COL4A2: variants seen among roughly 807,000 people sequenced by gnomAD.
COL4A2 encodes the protein collagen alpha-2(IV) chain.
Under a neutral mutation model 200.2 loss-of-function variants are expected in COL4A2, and 99 were observed. The ratio of observed to expected loss-of-function variants is 0.49; its 90% CI spans 0.42 to 0.58. The LOEUF (loss-of-function observed/expected upper bound fraction) is 0.58. COL4A2 is among the 20% of genes least tolerant of loss of function. The probability of loss-of-function intolerance (pLI) is 0.00; values close to 1 mark genes in which losing one functional copy is unlikely to be tolerated. For synonymous variants in COL4A2, 897 were observed against 900.6 expected (o/e 1.00, Z 0.07); for missense variants, 1,950 against 2,314.1 (o/e 0.84, Z 3.23).
intron 3 of COL4A2, among the ~76,000 whole-genome samples, chr13:110,354,028 T>C (rs905335939): frequency 6.6e-6 from 1 of 152,232 alleles, no homozygotes; most frequent in Admixed American, 6.5e-5. Flanking sequence ...ATACAGTGAA[T>C]ATCGTAAACC....
chr13:110,387,536 A>G (rs1028488219), intron 4 of COL4A2, among the ~76,000 whole-genome samples: 1 of 152,246 alleles, frequency 6.6e-6, no homozygotes, highest in Non-Finnish European at 1.5e-5. Flanking sequence ...CGTCCCCTGC[A>G]GTCTCACACC....
intron 4 of COL4A2, among the ~76,000 whole-genome samples, chr13:110,382,836 T>C (rs1436953700): frequency 6.6e-6 from 1 of 152,244 alleles, no homozygotes; most frequent in Non-Finnish European, 1.5e-5. Context: ...ATTGAAAATA[T>C]ACACTTTGAA....
intron 4 of COL4A2, among the ~76,000 whole-genome samples, chr13:110,377,931 A>G (rs1878306830): frequency 6.6e-6 from 1 of 152,268 alleles, no homozygotes; most frequent in African/African-American, 2.4e-5. Context: ...TTCTCTTATT[A>G]GCAATCAAAA....
At chr13:110,422,134 A>G (rs1880273202) in intron 4 of COL4A2, among the ~76,000 whole-genome samples, 1 of 152,232 alleles carries the variant, frequency 6.6e-6, no homozygotes, top group African/African-American at 2.4e-5. Flanking sequence ...CCCAGAAGAC[A>G]GCCGGCAGAC....
At position 110,363,749 on chromosome 13, in the gene COL4A2, C is replaced by T. The variant is rs556757333; in HGVS notation, c.180+6197C>T. ...TATTGCCGTCATAAACCCTACCCTTCCATGTAGATAGCCAGGATTTTAAAA... is the reference window on the plus strand; with the variant it reads ...TATTGCCGTCATAAACCCTACCCTTTCATGTAGATAGCCAGGATTTTAAAA... On this transcript the variant is annotated intron_variant, in intron 4 of 47. Coordinates refer to ENST00000360467, the MANE Select transcript of COL4A2 (RefSeq NM_001846.4). Among the ~76,000 whole-genome samples the T allele has an allele frequency of 2.6e-5, 4 of 152,304 alleles. No individual in the cohort carries two copies. In the East Asian group the frequency reaches 7.7e-4, roughly 29 times the overall value.
At chr13:110,402,720 G>C (rs1879416370) in intron 4 of COL4A2, among the ~76,000 whole-genome samples, 1 of 152,198 alleles carries the variant, frequency 6.6e-6, no homozygotes, top group African/African-American at 2.4e-5. Flanking sequence ...ACGGAGTGAG[G>C]AGCCCCTCTC....
chr13:110,396,954 G>A (rs894193241), intron 4 of COL4A2, among the ~76,000 whole-genome samples: 4 of 152,312 alleles, frequency 2.6e-5, no homozygotes, highest in Admixed American at 1.3e-4. Context: ...TGAAGTCAGA[G>A]CACTGAATTC....
At chr13:110,491,445 G>A (rs1594106018) in intron 37 of COL4A2, 105 bp downstream of exon 37, 1 of 798,586 alleles carries the variant, frequency 1.3e-6, no homozygotes, top group Admixed American at 2.1e-5. Context: ...ACCCAACCCT[G>A]GAAGCTCACT....
At chr13:110,506,630 C>T (rs765728531) in intron 46 of COL4A2, 24 bp downstream of exon 46, 22 of 1,581,690 alleles carry the variant, frequency 1.4e-5, no homozygotes, top group East Asian at 4.5e-5. Flanking sequence ...ACCCGGCCCC[C>T]GTTGCCTGCT....
At chr13:110,320,502 A>G (rs920439983) in intron 3 of COL4A2, among the ~76,000 whole-genome samples, 5 of 152,208 alleles carry the variant, frequency 3.3e-5, no homozygotes, top group African/African-American at 1.2e-4. Flanking sequence ...TTTTAATCCA[A>G]GAATTCTTTA....
intron 3 of COL4A2, among the ~76,000 whole-genome samples, chr13:110,310,467 CAA>C (rs11306630): frequency 7.2e-5 from 11 of 151,862 alleles, no homozygotes; most frequent in Non-Finnish European, 1.0e-4. Flanking sequence ...CTAACTCAAC[CAA>C]AAAAAATAGA....
At chr13:110,406,842 T>C (rs1260314327) in intron 4 of COL4A2, among the ~76,000 whole-genome samples, 1 of 152,180 alleles carries the variant, frequency 6.6e-6, no homozygotes, top group Non-Finnish European at 1.5e-5. Flanking sequence ...CCTCATTCCT[T>C]TGGTGATTAC....
intron 8 of COL4A2, 199 bp downstream of exon 8, chr13:110,430,155 T>C: frequency 1.4e-6 from 1 of 691,646 alleles, no homozygotes; most frequent in South Asian, 3.5e-5. Flanking sequence ...TTTATCTCTT[T>C]CCCATATTCA....
intron 3 of COL4A2, among the ~76,000 whole-genome samples, chr13:110,336,628 T>A (rs549681701): frequency 6.6e-6 from 1 of 152,280 alleles, no homozygotes; most frequent in South Asian, 2.1e-4. Flanking sequence ...TCCCTTTTTA[T>A]CTGCATCAGG....
intron 6 of COL4A2, among the ~76,000 whole-genome samples, chr13:110,425,234 A>G (rs1594206940): frequency 6.6e-6 from 1 of 152,202 alleles, no homozygotes; most frequent in African/African-American, 2.4e-5. Flanking sequence ...GCTAAACTGC[A>G]CATTGTTTGG....
intron 4 of COL4A2, among the ~76,000 whole-genome samples, chr13:110,409,514 G>T (rs1879749595): frequency 1.3e-5 from 2 of 152,258 alleles, no homozygotes; most frequent in Non-Finnish European, 2.9e-5. Context: ...GAGCAGCACG[G>T]CTGCACTCAG....
At chr13:110,378,681 G>A (rs899995478) in intron 4 of COL4A2, among the ~76,000 whole-genome samples, 10 of 152,172 alleles carry the variant, frequency 6.6e-5, no homozygotes, top group South Asian at 4.1e-4. Flanking sequence ...ATGAAAAGTC[G>A]CATTAAAACC....
At chr13:110,380,532 T>C (rs906694435) in intron 4 of COL4A2, among the ~76,000 whole-genome samples, 7 of 152,214 alleles carry the variant, frequency 4.6e-5, no homozygotes, top group African/African-American at 1.7e-4. Context: ...ATAAGATGGT[T>C]TTCTATGCAC....
intron 3 of COL4A2, among the ~76,000 whole-genome samples, chr13:110,345,845 G>C (rs994933588): frequency 2.0e-5 from 3 of 152,208 alleles, no homozygotes; most frequent in Admixed American, 6.5e-5. Flanking sequence ...CTCTCATCTT[G>C]TTCCATCTCA....
Sources: allele counts gnomAD v4.1 joint callset (sites outside exome capture counted in the v4.1 genomes callset), GRCh38; gene constraint gnomAD v4.1.1; transcripts MANE v1.5; gene names NCBI Gene and HGNC (gene_info 2026-07-23, HGNC 2026-07-21).